The following PAK5 variants were observed in gnomAD, a reference collection of about 807,000 sequenced individuals.
PAK5 encodes serine/threonine-protein kinase PAK 5.
In PAK5, 16 loss-of-function variants were observed where a neutral mutation model predicts 65.9. The ratio of observed to expected loss-of-function variants is 0.24; its 90% CI spans 0.16 to 0.37. PAK5 has a LOEUF of 0.37. PAK5 is among the 10% of genes least tolerant of loss of function. PAK5 has a pLI of 1.00. For missense variants in PAK5, 785 were observed against 903.9 expected (o/e 0.87, Z 1.69); for synonymous variants, 371 against 354.9 (o/e 1.05, Z -0.51).
At chr20:9,695,059 A>G (rs767543964) in intron 2 of PAK5, among the ~76,000 whole-genome samples, 25 of 151,984 alleles carry the variant, frequency 1.6e-4, no homozygotes, top group African/African-American at 7.2e-5. Flanking sequence ...CCAATTGTCA[A>G]TCCTTTCATG....
chr20:9,616,019 A>G (rs186198966), intron 3 of PAK5, among the ~76,000 whole-genome samples: 23 of 152,288 alleles, frequency 1.5e-4, no homozygotes, highest in Non-Finnish European at 2.4e-4. Context: ...CTTCTTCCCC[A>G]TTCTTCTGGT....
At chr20:9,776,933 A>C (rs530136025) in intron 1 of PAK5, among the ~76,000 whole-genome samples, 1 of 152,354 alleles carries the variant, frequency 6.6e-6, no homozygotes, top group South Asian at 2.1e-4. Flanking sequence ...ATAGCAATTA[A>C]ATAGATAAAT....
chr20:9,708,562 T>C lies in PAK5; in HGVS notation c.-12+2724A>G, dbSNP rs973517450. Among the ~76,000 whole-genome samples, 6 of 152,166 alleles carry C rather than the reference T, an allele frequency of 3.9e-5. No individual in the cohort carries two copies. In the East Asian group the frequency reaches 1.2e-3, roughly 29 times the overall value. ...CCATCATCTTTGTTGTCACTTCTTG[T>C]AGCAGAAACTGTAGGTGCTCTATCC... On this transcript the variant is annotated intron_variant, in intron 2 of 9. Coordinates refer to ENST00000353224, the MANE Select transcript of PAK5 (RefSeq NM_177990.4).
chr20:9,763,884 A>G (rs1363177489), intron 1 of PAK5, among the ~76,000 whole-genome samples: 1 of 152,202 alleles, frequency 6.6e-6, no homozygotes, highest in Non-Finnish European at 1.5e-5. Flanking sequence ...ACACACATAC[A>G]CATATAAATA....
intron 2 of PAK5, among the ~76,000 whole-genome samples, chr20:9,645,977 T>C (rs559130997): frequency 6.6e-6 from 1 of 152,346 alleles, no homozygotes; most frequent in South Asian, 2.1e-4. Flanking sequence ...AGTGTCTGTT[T>C]TAACTACTAG....
intron 1 of PAK5, among the ~76,000 whole-genome samples, chr20:9,732,701 T>C (rs2048347101): frequency 6.6e-6 from 1 of 152,192 alleles, no homozygotes; most frequent in African/African-American, 2.4e-5. Context: ...TCAAGGGTTC[T>C]CTAATCTTGG....
chr20:9,543,063 A>C (rs943194846), intron 8 of PAK5, among the ~76,000 whole-genome samples: 1 of 152,250 alleles, frequency 6.6e-6, no homozygotes, highest in Non-Finnish European at 1.5e-5. Context: ...AAAATGGAGA[A>C]GAAAATTGTA....
At chr20:9,793,970 A>G (rs898717232) in intron 1 of PAK5, among the ~76,000 whole-genome samples, 5 of 152,186 alleles carry the variant, frequency 3.3e-5, no homozygotes, top group African/African-American at 1.2e-4. Flanking sequence ...AATGTGGCAC[A>G]TATACACCAT....
chr20:9,543,801 C>G (rs906970377), intron 8 of PAK5, among the ~76,000 whole-genome samples: 13 of 152,160 alleles, frequency 8.5e-5, no homozygotes, highest in Non-Finnish European at 1.9e-4. Context: ...TTTCCAGGCC[C>G]TACCTCTTAA....
At chr20:9,822,114 C>T (rs1176141677) in intron 1 of PAK5, among the ~76,000 whole-genome samples, 1 of 151,796 alleles carries the variant, frequency 6.6e-6, no homozygotes, top group Non-Finnish European at 1.5e-5. Context: ...TATGGTGAAC[C>T]CCATCTCTAC....
At chr20:9,561,836 C>T (rs760226739) in intron 6 of PAK5, among the ~76,000 whole-genome samples, 2 of 152,196 alleles carry the variant, frequency 1.3e-5, no homozygotes, top group Non-Finnish European at 2.9e-5. Context: ...ATGTAACATG[C>T]TATTTTGTAT....
intron 1 of PAK5, among the ~76,000 whole-genome samples, chr20:9,777,134 G>T (rs2048895312): frequency 6.6e-6 from 1 of 152,132 alleles, no homozygotes; most frequent in African/African-American, 2.4e-5. Flanking sequence ...AGGCTGAGAT[G>T]GGAGGATTGC....
rs2423431 is a variant in PAK5, at chr20:9,709,701, A to T, written c.-12+1585T>A. ...TTCCTACACCATACAAGTTTAGAACAATTTCAGACAGTTATGAATATTGGA... is the reference window on the plus strand; with the variant it reads ...TTCCTACACCATACAAGTTTAGAACTATTTCAGACAGTTATGAATATTGGA... On this transcript the variant is annotated intron_variant, in intron 2 of 9. Transcript: ENST00000353224. Among the ~76,000 whole-genome samples, 7 of 152,050 alleles carry T rather than the reference A, an allele frequency of 4.6e-5. No homozygotes were observed. In the East Asian group the frequency reaches 1.2e-3, roughly 25 times the overall value.
chr20:9,832,640 G>A (rs908559058), intron 1 of PAK5, among the ~76,000 whole-genome samples: 25 of 152,098 alleles, frequency 1.6e-4, no homozygotes, highest in African/African-American at 6.0e-4. Context: ...CCCACCACAA[G>A]TAATGAAAGA....
At chr20:9,556,147 T>C (rs1312481508) in intron 7 of PAK5, among the ~76,000 whole-genome samples, 1 of 152,230 alleles carries the variant, frequency 6.6e-6, no homozygotes, top group Non-Finnish European at 1.5e-5. Context: ...GACTGATACA[T>C]GCTTCTACTG....
Position 9,768,734 on chromosome 20 carries a change from G to C in PAK5, c.-161-57299C>G, listed in dbSNP as rs933547531. The stretch of plus-strand genomic sequence containing the variant: ...GGCGGCTGAGGTTGCAGTGAACCAA[G>C]TTCACACCACTGCACTCCAGCCTGG... On this transcript the variant is annotated intron_variant, in intron 1 of 9. Transcript: ENST00000353224. Among the ~76,000 whole-genome samples the C allele has an allele frequency of 1.3e-4, 16 of 127,474 alleles. No individual in the cohort carries two copies. In the East Asian group the frequency reaches 2.8e-3, roughly 23 times the overall value. 83.6% of individuals were successfully genotyped at this position (127,474 alleles called of 152,430 possible). A position where few individuals can be genotyped will look rare whatever the true frequency, so the allele number is the denominator to read the frequency against.
intron 1 of PAK5, among the ~76,000 whole-genome samples, chr20:9,798,492 G>T (rs1301088040): frequency 2.0e-5 from 3 of 152,102 alleles, no homozygotes; most frequent in African/African-American, 7.2e-5. Flanking sequence ...TTACAGATTT[G>T]TGATAAGAAG....
At chr20:9,801,420 C>T (rs1239325236) in intron 1 of PAK5, among the ~76,000 whole-genome samples, 1 of 151,166 alleles carries the variant, frequency 6.6e-6, no homozygotes, top group African/African-American at 2.4e-5. Flanking sequence ...AGAAGTTTGT[C>T]TAGAAATTTG....
intron 1 of PAK5, among the ~76,000 whole-genome samples, chr20:9,803,476 TA>T (rs1413387889): frequency 6.6e-6 from 1 of 152,160 alleles, no homozygotes; most frequent in Non-Finnish European, 1.5e-5. Flanking sequence ...AAAATGGAGA[TA>T]TTTTATATGC....
Sources: gnomAD v4.1 joint callset for allele counts (sites outside exome capture counted in the v4.1 genomes callset) on GRCh38, gnomAD v4.1.1 for gene constraint, MANE v1.5 for transcripts, NCBI Gene and HGNC (gene_info 2026-07-23, HGNC 2026-07-21) for gene names.